The following RIMS2 variants were observed in gnomAD, a reference collection of about 807,000 sequenced individuals.
RIMS2 encodes the protein regulating synaptic membrane exocytosis 2.
In RIMS2, 59 loss-of-function variants were observed where a neutral mutation model predicts 174.4. The observed-to-expected ratio is 0.34, with a 90% CI of 0.27 to 0.42. The LOEUF (loss-of-function observed/expected upper bound fraction) is 0.42. RIMS2 is among the 10% of genes least tolerant of loss of function. RIMS2 has a pLI of 1.00. For synonymous variants in RIMS2, 606 were observed against 572.5 expected, an observed-to-expected ratio of 1.06 and a Z score of -0.84; for missense variants, 1,620 against 1,666.3, an observed-to-expected ratio of 0.97 and a Z score of 0.48.
intron 19 of RIMS2, among the ~76,000 whole-genome samples, chr8:104,035,673 TAAGA>T (rs1390352782): frequency 6.6e-6 from 1 of 152,084 alleles, no homozygotes. Context: ...CTTGAATGTT[TAAGA>T]TTTTTTGAAA....
chr8:103,603,498 T>C (rs560843374), intron 1 of RIMS2, among the ~76,000 whole-genome samples: 1 of 152,066 alleles, frequency 6.6e-6, no homozygotes, highest in South Asian at 2.1e-4. Flanking sequence ...TTTAGAGTTC[T>C]TTGGGTATAT....
At chr8:104,124,318 G>A (rs2098410887) in intron 19 of RIMS2, among the ~76,000 whole-genome samples, 1 of 152,064 alleles carries the variant, frequency 6.6e-6, no homozygotes, top group African/African-American at 2.4e-5. Context: ...CTGCTTGCCA[G>A]TGGACTTAGA....
intron 19 of RIMS2, among the ~76,000 whole-genome samples, chr8:104,087,294 A>G (rs2154564107): frequency 6.6e-6 from 1 of 152,234 alleles, no homozygotes; most frequent in South Asian, 2.1e-4. Flanking sequence ...AATCAACAAA[A>G]GTCATTATCC....
chr8:103,552,279 G>A (rs892608770), intron 1 of RIMS2, among the ~76,000 whole-genome samples: 1 of 152,088 alleles, frequency 6.6e-6, no homozygotes, highest in East Asian at 1.9e-4. Context: ...ACAGAACAGA[G>A]CCCTCAGAAA....
At chr8:104,125,201 A>G (rs1346192830) in intron 19 of RIMS2, among the ~76,000 whole-genome samples, 5 of 152,190 alleles carry the variant, frequency 3.3e-5, no homozygotes, top group Admixed American at 3.3e-4. Flanking sequence ...AATAGAAAGT[A>G]AGTGTCTGTA....
At chr8:103,988,254 A>G (rs1317068762) in intron 16 of RIMS2, among the ~76,000 whole-genome samples, 1 of 152,190 alleles carries the variant, frequency 6.6e-6, no homozygotes, top group Non-Finnish European at 1.5e-5. Context: ...TGTGAACTTG[A>G]CATATGATGA....
At chr8:103,780,474 T>G (rs1056489461) in intron 3 of RIMS2, among the ~76,000 whole-genome samples, 3 of 152,204 alleles carry the variant, frequency 2.0e-5, no homozygotes, top group Non-Finnish European at 4.4e-5. Flanking sequence ...TTTCAAATGC[T>G]TGTCTTCAAG....
rs2095225920 is a variant in RIMS2, at chr8:103,998,247, G to A, written c.3044+8826G>A. The A allele has an allele frequency of 1.9e-6, 3 of 1,605,484 alleles. No individual in the cohort carries two copies. The South Asian group carries it at 3.3e-5, about 18-fold the overall frequency. On this transcript the variant is annotated intron_variant, in intron 17 of 23. Coordinates refer to ENST00000504942, the Ensembl canonical transcript of RIMS2. ...ACCATTGACCATCATCACAGGGATG[G>A]CAGGTATATTTTTCTTACAATTGAG...
intron 19 of RIMS2, among the ~76,000 whole-genome samples, chr8:104,085,895 C>T (rs1013171153): frequency 2.0e-5 from 3 of 152,034 alleles, no homozygotes; most frequent in African/African-American, 7.2e-5. Flanking sequence ...AAAGGAAGTA[C>T]AGGAGATGTC....
intron 4 of RIMS2, among the ~76,000 whole-genome samples, chr8:103,895,591 G>T (rs2099273141): frequency 6.6e-6 from 1 of 151,408 alleles, no homozygotes; most frequent in Non-Finnish European, 1.5e-5. Context: ...TTGGCAGGAG[G>T]GGCATGCAGA....
intron 16 of RIMS2, chr8:103,976,265 T>C (rs2093414107): frequency 6.6e-6 from 1 of 152,246 alleles, no homozygotes; most frequent in Non-Finnish European, 1.5e-5. Context: ...AACAAGATGC[T>C]ATACAATAAC....
intron 1 of RIMS2, among the ~76,000 whole-genome samples, chr8:103,529,638 A>G (rs935737161): frequency 2.6e-5 from 4 of 152,186 alleles, no homozygotes; most frequent in Admixed American, 6.5e-5. Flanking sequence ...ACGGTCCTGC[A>G]CCCACTGTCC....
chr8:103,856,597 T>C (rs377399908), intron 3 of RIMS2, among the ~76,000 whole-genome samples: 1 of 152,214 alleles, frequency 6.6e-6, no homozygotes, highest in African/African-American at 2.4e-5. Flanking sequence ...AAGAGGAAAG[T>C]TGGTGGCCTT....
intron 19 of RIMS2, among the ~76,000 whole-genome samples, chr8:104,186,023 CAT>C (rs1322583947): frequency 4.0e-5 from 6 of 151,182 alleles, no homozygotes; most frequent in African/African-American, 1.5e-4. Flanking sequence ...GATATATATA[CAT>C]ATATATATGG....
intron 10 of RIMS2, chr8:103,922,582 A>C (rs1305987579): frequency 2.9e-6 from 1 of 350,002 alleles, no homozygotes; most frequent in Non-Finnish European, 5.7e-6. Context: ...AAATTTCATG[A>C]GTATTAAAAA....
intron 1 of RIMS2, among the ~76,000 whole-genome samples, chr8:103,677,960 T>A (rs1213336930): frequency 1.3e-5 from 2 of 152,324 alleles, no homozygotes; most frequent in Non-Finnish European, 2.9e-5. Context: ...TGAAACTCAG[T>A]GATAGTTACA....
chr8:103,563,699 T>C (rs1364786928), intron 1 of RIMS2, among the ~76,000 whole-genome samples: 1 of 152,180 alleles, frequency 6.6e-6, no homozygotes, highest in Non-Finnish European at 1.5e-5. Flanking sequence ...ACCAATTTAC[T>C]GTATTAGTCC....
intron 19 of RIMS2, among the ~76,000 whole-genome samples, chr8:104,046,943 T>G (rs2096706555): frequency 6.6e-6 from 1 of 152,080 alleles, no homozygotes; most frequent in Non-Finnish European, 1.5e-5. Flanking sequence ...TTATGATACA[T>G]CTAAACAAAA....
At chr8:103,792,517 G>C (rs2098509069) in intron 3 of RIMS2, among the ~76,000 whole-genome samples, 1 of 151,572 alleles carries the variant, frequency 6.6e-6, no homozygotes, top group African/African-American at 2.4e-5. Flanking sequence ...AAGAACTAGA[G>C]AAACAAGAGC....
Sources: gnomAD v4.1 joint callset for allele counts (sites outside exome capture counted in the v4.1 genomes callset) on GRCh38, gnomAD v4.1.1 for gene constraint, MANE v1.5 for transcripts, NCBI Gene and HGNC (gene_info 2026-07-23, HGNC 2026-07-21) for gene names.